The following NOXRED1 variants were observed in gnomAD, a reference collection of about 807,000 sequenced individuals.
The protein encoded by NOXRED1 is NADP dependent oxidoreductase domain containing 1, also known as NADP-dependent oxidoreductase domain-containing protein 1.
In NOXRED1, 20 loss-of-function variants were observed where a neutral mutation model predicts 30.4. The ratio of observed to expected loss-of-function variants is 0.66; its 90% CI spans 0.46 to 0.96. NOXRED1 has a LOEUF of 0.96. NOXRED1 is among the 40% of genes least tolerant of loss of function. The pLI is 0.00. For missense variants in NOXRED1, 374 were observed against 428.0 expected (o/e 0.87, Z 1.11); for synonymous variants, 155 against 168.0 (o/e 0.92, Z 0.60).
At chr14:77,411,626 G>A (rs1474037782) in intron 2 of NOXRED1, among the ~76,000 whole-genome samples, 1 of 152,054 alleles carries the variant, frequency 6.6e-6, no homozygotes, top group Non-Finnish European at 1.5e-5. Flanking sequence ...CAGATTGTTG[G>A]TTTCATGGGT....
intron 2 of NOXRED1, among the ~76,000 whole-genome samples, chr14:77,411,924 T>G (rs1190104384): frequency 6.6e-6 from 1 of 152,024 alleles, no homozygotes; most frequent in Non-Finnish European, 1.5e-5. Context: ...AAACCCCGTC[T>G]CTACTAAAAA....
intron 1 of NOXRED1, among the ~76,000 whole-genome samples, chr14:77,415,716 T>C (rs1212891788): frequency 6.8e-6 from 1 of 147,796 alleles, no homozygotes; most frequent in African/African-American, 2.5e-5. Context: ...TCTATATGCT[T>C]TTTTTTTTTT....
chr14:77,399,802 A>T (rs1190179529), intron 5 of NOXRED1, among the ~76,000 whole-genome samples: 1 of 152,182 alleles, frequency 6.6e-6, no homozygotes, highest in Non-Finnish European at 1.5e-5. Flanking sequence ...CACAAGAAAT[A>T]TTTGAAACAA....
intron 5 of NOXRED1, among the ~76,000 whole-genome samples, chr14:77,401,009 A>T (rs184369844): frequency 1.7e-3 from 261 of 152,350 alleles, no homozygotes; most frequent in African/African-American, 5.9e-3. Context: ...TTCCCAACTG[A>T]ACTACACATT....
intron 1 of NOXRED1, among the ~76,000 whole-genome samples, chr14:77,416,804 C>T (rs1343852511): frequency 5.9e-5 from 9 of 151,728 alleles, no homozygotes; most frequent in Non-Finnish European, 1.2e-4. Context: ...CCTCACCTCC[C>T]GGACAGGGCG....
intron 5 of NOXRED1, among the ~76,000 whole-genome samples, chr14:77,399,183 C>G (rs1190958939): frequency 6.6e-6 from 1 of 151,908 alleles, no homozygotes; most frequent in Non-Finnish European, 1.5e-5. Context: ...TGACTGAGGC[C>G]AGGTGAGGTG....
chr14:77,394,478 A>G lies in NOXRED1; in HGVS notation c.*153T>C. 4.1e-6 allele frequency: 2 copies of G among 491,520 alleles called. No individual in the cohort carries two copies. The highest frequency in any genetic ancestry group is 3.6e-6 in the Non-Finnish European group (1 of 280,190). The allele number at this position is 491,520 out of a possible 1,614,324, so 30.4% of individuals were successfully genotyped here. A position where few individuals can be genotyped will look rare whatever the true frequency, so the allele number is the denominator to read the frequency against. ...ACCACTTGTTTTATTCTACATTTTA[A>G]AGAGTCATCAGTACAGTTTTATAAT... On this transcript the variant is annotated 3_prime_UTR_variant, in exon 6 of 6. Coordinates refer to ENST00000380835, the MANE Select transcript of NOXRED1 (RefSeq NM_001113475.3).
chr14:77,412,955 G>C (rs1455494280), intron 2 of NOXRED1, among the ~76,000 whole-genome samples: 1 of 151,124 alleles, frequency 6.6e-6, no homozygotes, highest in African/African-American at 2.4e-5. Context: ...GTAGATTATA[G>C]GTAGTTGTAT....
At position 77,419,446 on chromosome 14, in the gene NOXRED1, CTTT is replaced by C. The variant is rs35341872; in HGVS notation, c.155+3286_155+3288del. On this transcript the variant is annotated intron_variant, in intron 1 of 5. Coordinates refer to ENST00000380835, the MANE Select transcript of NOXRED1 (RefSeq NM_001113475.3). ...TGACAGGTTTTTTTTTTTCTTTTTC[CTTT>C]TTTTTTTTTTTTTTTTTGAGACAGA... 3.2e-3 allele frequency among the ~76,000 whole-genome samples: 289 copies of C among 91,492 alleles called. 2 individuals are homozygous for C. Among genetic ancestry groups the C allele is most frequent in the African/African-American group, 0.01 (271 of 26,788 alleles). 60.0% of individuals were successfully genotyped at this position (91,492 alleles called of 152,430 possible).
intron 5 of NOXRED1, among the ~76,000 whole-genome samples, chr14:77,397,397 C>T (rs1894216457): frequency 6.6e-6 from 1 of 152,154 alleles, no homozygotes. Context: ...TGTGAGGAGG[C>T]AACATGAAGA....
intron 5 of NOXRED1, among the ~76,000 whole-genome samples, chr14:77,402,686 C>G (rs990071613): frequency 2.6e-5 from 4 of 151,846 alleles, no homozygotes; most frequent in Non-Finnish European, 5.9e-5. Context: ...GGCCAGAGAC[C>G]TTAACAGACA....
chr14:77,396,811 A>G (rs986128758), intron 5 of NOXRED1, among the ~76,000 whole-genome samples: 1 of 152,230 alleles, frequency 6.6e-6, no homozygotes, highest in Non-Finnish European at 1.5e-5. Context: ...AACATACTAT[A>G]TTAATGAGTG....
Position 77,394,758 on chromosome 14 carries a change from G to A in NOXRED1, c.953C>T (p.Pro318Leu), listed in dbSNP as rs766670590. The change falls in exon 6 of 6, where the codon CCG becomes CTG. Residue 318 changes from proline (P) to leucine (L), a missense_variant. By Grantham distance (98) the Pro-to-Leu change is moderately conservative. Coordinates refer to ENST00000380835, the MANE Select transcript of NOXRED1 (RefSeq NM_001113475.3). ...ACTACTTGAGAGATGCTGGCTAAAC[G>A]GAGTTTCCTTGAGTTGCACAGCAGT... ...DLTAVQLKET[P>L]FSQHLSSSPV... The A allele has an allele frequency of 3.8e-5, 62 of 1,613,506 alleles. No individual in the cohort carries two copies. The highest frequency in any genetic ancestry group is 3.6e-4 in the South Asian group (33 of 91,076).
chr14:77,419,889 C>A (rs1594882725), intron 1 of NOXRED1, among the ~76,000 whole-genome samples: 1 of 152,094 alleles, frequency 6.6e-6, no homozygotes. Context: ...TTCTTTGCAG[C>A]TTTCAGTATT....
At chr14:77,406,402 T>G in intron 4 of NOXRED1, 1 of 594,658 alleles carries the variant, frequency 1.7e-6, no homozygotes, top group Non-Finnish European at 3.0e-6. Context: ...GAATAGTCGT[T>G]GCTAATATGG....
chr14:77,408,499 C>T (rs984092976), intron 2 of NOXRED1, among the ~76,000 whole-genome samples: 4 of 151,110 alleles, frequency 2.6e-5, no homozygotes, highest in Non-Finnish European at 5.9e-5. Context: ...GCTGCCCAGA[C>T]TTTTTTTTTA....
Position 77,394,547 on chromosome 14 carries a change from T to A in NOXRED1, c.*84A>T. The A allele has an allele frequency of 1.0e-6, 1 of 981,836 alleles. No homozygotes were observed. The highest frequency in any genetic ancestry group is 1.6e-6 in the Non-Finnish European group (1 of 641,138). 60.8% of individuals were successfully genotyped at this position (981,836 alleles called of 1,614,324 possible). A position where few individuals can be genotyped will look rare whatever the true frequency, so the allele number is the denominator to read the frequency against. ...GGCAAACACAATACAGCCACAAGAC[T>A]CCCACAGTCAATTGTGATAATCAGG... On this transcript the variant is annotated 3_prime_UTR_variant, in exon 6 of 6. Transcript: ENST00000380835.
intron 5 of NOXRED1, among the ~76,000 whole-genome samples, chr14:77,404,669 C>A (rs1298782348): frequency 6.6e-6 from 1 of 151,852 alleles, no homozygotes; most frequent in Non-Finnish European, 1.5e-5. Context: ...CTGAAAACAC[C>A]CAGATTTAAG....
At chr14:77,406,576 A>G in intron 4 of NOXRED1, 148 bp downstream of exon 4, 1 of 878,662 alleles carries the variant, frequency 1.1e-6, no homozygotes, top group Non-Finnish European at 1.9e-6. Flanking sequence ...GCTCTCCTGC[A>G]GTACCTTGTG....
Sources: gnomAD v4.1 joint callset for allele counts (sites outside exome capture counted in the v4.1 genomes callset) on GRCh38, gnomAD v4.1.1 for gene constraint, MANE v1.5 for transcripts, NCBI Gene and HGNC (gene_info 2026-07-23, HGNC 2026-07-21) for gene names.